CCDC88A: variants seen among roughly 807,000 people sequenced by gnomAD.
CCDC88A encodes coiled-coil and HOOK domain protein 88A, also known as girdin.
CCDC88A carries 54 observed loss-of-function variants against 234.3 expected under a neutral mutation model. That is an observed-to-expected ratio of 0.23 (90% CI 0.19 to 0.29). CCDC88A has a LOEUF of 0.29. Ranked by LOEUF, CCDC88A falls within the 10% of genes least tolerant of loss-of-function variation. The pLI is 1.00. For synonymous variants in CCDC88A, 753 were observed against 737.8 expected (o/e 1.02, Z -0.33); for missense variants, 1,832 against 2,123.4 (o/e 0.86, Z 2.70).
At chr2:55,354,547 C>T (rs1032606944) in intron 8 of CCDC88A, among the ~76,000 whole-genome samples, 1 of 151,466 alleles carries the variant, frequency 6.6e-6, no homozygotes. Context: ...TATTTTCTTT[C>T]TTTATATCCT....
intron 29 of CCDC88A, 138 bp downstream of exon 29, chr2:55,299,701 T>C: frequency 1.6e-6 from 1 of 626,326 alleles, no homozygotes; most frequent in East Asian, 2.6e-5. Flanking sequence ...ATGTGAAAAG[T>C]ATAAAATGTT....
Position 55,317,848 on chromosome 2 carries a change from G to A in CCDC88A, c.3325-7C>T. ...TAAGGGTGGAATTTTCAACCTATAA[G>A]AATATATATTGTTATCAGACATAAG... is the stretch of plus-strand genomic sequence containing the variant. On this transcript the variant is annotated splice_polypyrimidine_tract_variant and splice_region_variant and intron_variant, in intron 19 of 32. Coordinates refer to ENST00000436346, the MANE Select transcript of CCDC88A (RefSeq NM_001365480.1). This position sits in a 1 kb window ranked among gnomAD's most constrained non-coding sequence, Gnocchi z 4.2. The A allele has an allele frequency of 6.4e-7, 1 of 1,564,096 alleles. No individual in the cohort carries two copies. The highest frequency in any genetic ancestry group is 8.7e-7 in the Non-Finnish European group (1 of 1,145,062).
At chr2:55,324,012 C>T (rs993268187) in intron 17 of CCDC88A, 31 of 152,122 alleles carry the variant, frequency 2.0e-4, no homozygotes, top group African/African-American at 7.0e-4. Context: ...TGCGCCCAGC[C>T]GAAGGCTTCT....
chr2:55,413,027 G>C (rs980427729), intron 2 of CCDC88A, among the ~76,000 whole-genome samples: 1 of 151,852 alleles, frequency 6.6e-6, no homozygotes, highest in African/African-American at 2.4e-5. Context: ...AAAAAAGTGA[G>C]ACCCGGTCTC....
intron 17 of CCDC88A, among the ~76,000 whole-genome samples, chr2:55,327,127 GA>G (rs138938616): frequency 0.021 from 3,250 of 152,184 alleles, 125 homozygotes; most frequent in African/African-American, 0.074. Context: ...ATGTCTGGAT[GA>G]AAAATAAGTA....
At chr2:55,346,138 GA>G (rs745634746) in intron 10 of CCDC88A, 36 bp downstream of exon 10, 133 of 1,460,040 alleles carry the variant, frequency 9.1e-5, no homozygotes, top group South Asian at 2.6e-4. Flanking sequence ...TTCTAACACA[GA>G]AAAAAAAATC....
rs778713493 is a variant in CCDC88A at position 55,399,941 on chromosome 2, G to T, written c.165-11055C>A. ...TGTGTGTTTTTATCAGCTTCCTCAG[G>T]TTGAATCCTGTATTCTATTACTTTT... On this transcript the variant is annotated intron_variant, in intron 2 of 32. Transcript: ENST00000436346. Among the ~76,000 whole-genome samples the T allele has an allele frequency of 3.4e-4, 52 of 152,130 alleles. 1 individual carries two copies. The Middle Eastern group carries it at 0.01, about 30-fold the overall frequency.
intron 7 of CCDC88A, chr2:55,356,394 T>C (rs936920382): frequency 6.6e-6 from 1 of 152,190 alleles, no homozygotes; most frequent in Admixed American, 6.5e-5. Flanking sequence ...TTATCCAATC[T>C]ATCATTGAGG....
Position 55,380,677 on chromosome 2 carries a change from A to G in CCDC88A, c.274-5794T>C, listed in dbSNP as rs149106808. 2.2e-3 allele frequency among the ~76,000 whole-genome samples: 331 copies of G among 152,316 alleles called. 2 individuals carry two copies. The highest frequency in any genetic ancestry group is 7.8e-3 in the African/African-American group (324 of 41,560). On this transcript the variant is annotated intron_variant, in intron 3 of 32. Coordinates refer to ENST00000436346, the MANE Select transcript of CCDC88A (RefSeq NM_001365480.1). ...GTCACCCAGGCCAGAGTGCAGCAGC[A>G]TGATCTCGACTCATTGCAACCTCTG...
intron 17 of CCDC88A, among the ~76,000 whole-genome samples, chr2:55,326,011 T>C (rs1209787919): frequency 1.3e-5 from 2 of 152,210 alleles, no homozygotes; most frequent in Admixed American, 6.5e-5. Context: ...AGCATATAGA[T>C]GGGTCTTATC....
intron 5 of CCDC88A, among the ~76,000 whole-genome samples, chr2:55,367,495 C>A: frequency 8.8e-6 from 1 of 114,200 alleles, no homozygotes. Context: ...CTCAGAAAAA[C>A]AAATGCCTTG....
At chr2:55,378,584 A>G (rs966494973) in intron 3 of CCDC88A, among the ~76,000 whole-genome samples, 2 of 114,716 alleles carry the variant, frequency 1.7e-5, no homozygotes, top group African/African-American at 5.6e-5. Context: ...ATGAGGAAAA[A>G]CTCTATTTTC....
At chr2:55,324,359 A>G (rs1684003717) in intron 17 of CCDC88A, 1 of 152,086 alleles carries the variant, frequency 6.6e-6, no homozygotes, top group Non-Finnish European at 1.5e-5. Context: ...CACTTCCATC[A>G]CTCTAGAAAG....
At chr2:55,394,814 T>TA (rs70954115) in intron 2 of CCDC88A, among the ~76,000 whole-genome samples, 4,802 of 150,188 alleles carry the variant, frequency 0.032, 238 homozygotes, top group African/African-American at 0.1. Context: ...ATAATAATAA[T>TA]AAAAAAAAAA....
intron 31 of CCDC88A, 61 bp downstream of exon 31, chr2:55,295,536 C>A: frequency 6.2e-7 from 1 of 1,613,778 alleles, no homozygotes; most frequent in Non-Finnish European, 8.5e-7. Flanking sequence ...GGCACAAGAA[C>A]CTATAGTATG....
rs780274000 is a variant in CCDC88A at position 55,335,563 on chromosome 2, A to T, written c.1657-399T>A. On this transcript the variant is annotated intron_variant, in intron 14 of 32. Transcript: ENST00000436346. The surrounding 1 kb of genome is among the most constrained non-coding windows in gnomAD (Gnocchi z 4.5). ...CTACTTTTACTAAGTAACCTTTGCA[A>T]TGCCTACAGTGGGTCCTCAGTAAAT... is the stretch of plus-strand genomic sequence containing the variant. 6.6e-6 allele frequency among the ~76,000 whole-genome samples: 1 copy of T among 152,188 alleles called. No individual in the cohort carries two copies. Among genetic ancestry groups the T allele is most frequent in the African/African-American group, 2.4e-5 (1 of 41,458 alleles).
At chr2:55,341,873 G>A (rs572836004) in intron 12 of CCDC88A, among the ~76,000 whole-genome samples, 1 of 152,240 alleles carries the variant, frequency 6.6e-6, no homozygotes, top group South Asian at 2.1e-4. Context: ...GCTGCAACAA[G>A]CATGGGAATG....
chr2:55,406,429 C>T (rs1208654145), intron 2 of CCDC88A, among the ~76,000 whole-genome samples: 2 of 152,096 alleles, frequency 1.3e-5, no homozygotes, highest in Non-Finnish European at 2.9e-5. Flanking sequence ...AAATTCTCAT[C>T]CTCCACTACT....
At chr2:55,366,534 T>TACACACACACACACAC (rs201666406) in intron 5 of CCDC88A, among the ~76,000 whole-genome samples, 3 of 127,638 alleles carry the variant, frequency 2.4e-5, no homozygotes, top group Non-Finnish European at 3.4e-5. Context: ...CACACACACA[T>TACACACACACACACAC]ACACACACAC....
Sources: gnomAD v4.1 joint callset for allele counts (sites outside exome capture counted in the v4.1 genomes callset) on GRCh38, gnomAD v4.1.1 for gene constraint, Gnocchi (gnomAD v3.1) non-coding constraint, MANE v1.5 for transcripts, NCBI Gene and HGNC (gene_info 2026-07-23, HGNC 2026-07-21) for gene names.